Variants in PCDH15 observed in about 807,000 individuals in gnomAD.
The protein encoded by PCDH15 is protocadherin-15.
Under a neutral mutation model 178.5 loss-of-function variants are expected in PCDH15, and 129 were observed. That is an observed-to-expected ratio of 0.72 (90% CI 0.63 to 0.84). PCDH15 has a LOEUF of 0.84. Among genes scored for constraint, PCDH15 ranks in the 40% least tolerant of loss-of-function variants. The pLI is 0.00. For missense variants in PCDH15, 2,230 were observed against 2,099.9 expected (o/e 1.06, Z -1.21); for synonymous variants, 800 against 732.0 (o/e 1.09, Z -1.50).
intron 19 of PCDH15, among the ~76,000 whole-genome samples, chr10:54,022,286 T>C (rs1334573572): frequency 6.6e-6 from 1 of 152,042 alleles, no homozygotes; most frequent in East Asian, 1.9e-4. Context: ...TACAGAGATG[T>C]CATTAAAAAG....
chr10:54,634,286 A>C (rs1416953443), intron 2 of PCDH15, among the ~76,000 whole-genome samples: 1 of 152,278 alleles, frequency 6.6e-6, no homozygotes, highest in East Asian at 1.9e-4. Flanking sequence ...AAATTATAAA[A>C]TATTGCACTG....
chr10:53,996,398 T>G (rs559429122), intron 20 of PCDH15, among the ~76,000 whole-genome samples: 1 of 152,302 alleles, frequency 6.6e-6, no homozygotes, highest in Non-Finnish European at 1.5e-5. Flanking sequence ...TTTTCCAATT[T>G]GGCGCTATAT....
intron 2 of PCDH15, among the ~76,000 whole-genome samples, chr10:55,346,696 T>C (rs1257986824): frequency 6.6e-6 from 1 of 150,554 alleles, no homozygotes; most frequent in Non-Finnish European, 1.5e-5. Flanking sequence ...CTTTGGACTT[T>C]TTTTTTTTTT....
chr10:55,580,505 C>T (rs1035000651), intron 2 of PCDH15, among the ~76,000 whole-genome samples: 7 of 151,756 alleles, frequency 4.6e-5, no homozygotes, highest in Admixed American at 2.6e-4. Flanking sequence ...TTACAGGTGC[C>T]CACCACCATG....
intron 3 of PCDH15, among the ~76,000 whole-genome samples, chr10:54,467,939 T>C (rs1286708073): frequency 6.6e-6 from 1 of 151,930 alleles, no homozygotes; most frequent in South Asian, 2.1e-4. Flanking sequence ...TTCTAGGCTT[T>C]CAAATTAGTT....
At chr10:53,993,484 C>G (rs959746775) in intron 21 of PCDH15, among the ~76,000 whole-genome samples, 18 of 152,032 alleles carry the variant, frequency 1.2e-4, no homozygotes, top group Non-Finnish European at 2.4e-4. Context: ...ATACTTACAG[C>G]CCCAGGTAGT....
intron 2 of PCDH15, among the ~76,000 whole-genome samples, chr10:54,946,592 C>T (rs1353433716): frequency 6.6e-6 from 1 of 151,834 alleles, no homozygotes; most frequent in Admixed American, 6.6e-5. Context: ...AACACCCCCG[C>T]CCCTGACAAT....
chr10:54,500,823 C>T (rs957285391), intron 3 of PCDH15, among the ~76,000 whole-genome samples: 5 of 151,958 alleles, frequency 3.3e-5, no homozygotes, highest in African/African-American at 1.2e-4. Context: ...GACTCCATCT[C>T]ACTTGGAACC....
intron 3 of PCDH15, among the ~76,000 whole-genome samples, chr10:54,473,148 G>A (rs1401438938): frequency 6.6e-6 from 1 of 152,094 alleles, no homozygotes; most frequent in Non-Finnish European, 1.5e-5. Flanking sequence ...AAAATGGTAA[G>A]AAGAGACAAC....
chr10:54,142,415 G>C (rs2043495537), intron 14 of PCDH15, among the ~76,000 whole-genome samples: 1 of 152,076 alleles, frequency 6.6e-6, no homozygotes, highest in Non-Finnish European at 1.5e-5. Flanking sequence ...GCTTTCATGA[G>C]ACACAGGGCC....
chr10:55,297,339 TA>T (rs1159365376), intron 1 of PCDH15, among the ~76,000 whole-genome samples: 3 of 152,156 alleles, frequency 2.0e-5, no homozygotes, highest in African/African-American at 7.2e-5. Context: ...CTGGATTTCA[TA>T]AAATCTATTT....
At chr10:55,111,529 AT>A (rs1012601519) in intron 2 of PCDH15, among the ~76,000 whole-genome samples, 2 of 151,100 alleles carry the variant, frequency 1.3e-5, no homozygotes, top group Admixed American at 6.6e-5. Context: ...CAGAGATACT[AT>A]TTAAAAAAAA....
chr10:54,437,321 T>A (rs548164714), intron 3 of PCDH15, among the ~76,000 whole-genome samples: 2 of 152,236 alleles, frequency 1.3e-5, no homozygotes, highest in South Asian at 4.2e-4. Flanking sequence ...AGTAGAACAT[T>A]CAGCCAAGAT....
intron 18 of PCDH15, among the ~76,000 whole-genome samples, chr10:54,036,481 A>T (rs553785856): frequency 1.1e-5 from 1 of 90,734 alleles, no homozygotes; most frequent in South Asian, 2.7e-4. Context: ...TAAATGGAAT[A>T]ACAATGCCTA....
At chr10:55,369,609 A>G (rs1468640582) in intron 2 of PCDH15, among the ~76,000 whole-genome samples, 1 of 152,074 alleles carries the variant, frequency 6.6e-6, no homozygotes, top group Non-Finnish European at 1.5e-5. Context: ...AGAATATCCT[A>G]TAATTCCTGT....
chr10:55,141,504 T>G (rs760294899), intron 2 of PCDH15, among the ~76,000 whole-genome samples: 3 of 152,098 alleles, frequency 2.0e-5, no homozygotes, highest in Non-Finnish European at 2.9e-5. Flanking sequence ...TGAAGCCATC[T>G]TTGGCCAAAG....
At chr10:54,459,625 C>T (rs1047016722) in intron 3 of PCDH15, among the ~76,000 whole-genome samples, 1 of 151,954 alleles carries the variant, frequency 6.6e-6, no homozygotes, top group Non-Finnish European at 1.5e-5. Context: ...TAGAAAAAGA[C>T]AGGTGAGAGA....
intron 21 of PCDH15, among the ~76,000 whole-genome samples, chr10:53,984,137 TTTTTTC>T (rs1564928607): frequency 2.3e-5 from 2 of 85,330 alleles, no homozygotes; most frequent in African/African-American, 1.1e-4. Context: ...TTTTTTTTTC[TTTTTTC>T]TTTTCTTTTT....
At chr10:54,687,943 G>C (rs2095043777) in intron 1 of PCDH15, among the ~76,000 whole-genome samples, 1 of 151,888 alleles carries the variant, frequency 6.6e-6, no homozygotes, top group African/African-American at 2.4e-5. Context: ...AGGTAAAAAA[G>C]CCCTAGAGAT....
Sources: allele counts gnomAD v4.1 joint callset (sites outside exome capture counted in the v4.1 genomes callset), GRCh38; gene constraint gnomAD v4.1.1; transcripts MANE v1.5; gene names NCBI Gene and HGNC (gene_info 2026-07-23, HGNC 2026-07-21).